The following MAGI1 variants were observed in gnomAD, a reference collection of about 807,000 sequenced individuals.
The protein encoded by MAGI1 is membrane-associated guanylate kinase, WW and PDZ domain-containing protein 1.
In MAGI1, 58 loss-of-function variants were observed where a neutral mutation model predicts 139.9. The observed-to-expected ratio is 0.41, with a 90% CI of 0.34 to 0.52. The LOEUF (loss-of-function observed/expected upper bound fraction) is 0.52, where lower values mean the gene tolerates loss of function less well. Among genes scored for constraint, MAGI1 ranks in the 20% least tolerant of loss-of-function variants. The pLI is 0.12. For missense variants in MAGI1, 1,874 were observed against 1,901.6 expected, an observed-to-expected ratio of 0.99 and a Z score of 0.27; for synonymous variants, 812 against 737.9, an observed-to-expected ratio of 1.10 and a Z score of -1.63.
chr3:65,613,843 GA>G (rs1165125182), intron 2 of MAGI1, among the ~76,000 whole-genome samples: 2 of 150,678 alleles, frequency 1.3e-5, no homozygotes, highest in African/African-American at 4.9e-5. Context: ...CTTGTTTAAA[GA>G]AAAAAAAGAA....
chr3:65,411,992 G>A lies in MAGI1; in HGVS notation c.2168-10522C>T, dbSNP rs531395683. ...TTATGGTTTATCCTCTTTATTATCC[G>A]CACCGAGGCCAGAGACAACTTTAAA... On this transcript the variant is annotated intron_variant, in intron 12 of 22. Coordinates refer to ENST00000402939, the MANE Select transcript of MAGI1 (RefSeq NM_001033057.2). Among the ~76,000 whole-genome samples the A allele has an allele frequency of 5.3e-5, 8 of 152,116 alleles. No individual in the cohort carries two copies. In the East Asian group the frequency reaches 9.7e-4, roughly 18 times the overall value.
chr3:65,712,247 T>C (rs1484704972), intron 1 of MAGI1, among the ~76,000 whole-genome samples: 1 of 152,010 alleles, frequency 6.6e-6, no homozygotes, highest in Non-Finnish European at 1.5e-5. Flanking sequence ...AGTTCCTCTC[T>C]CTTAGATACT....
At chr3:65,386,176 G>C (rs969830181) in intron 14 of MAGI1, among the ~76,000 whole-genome samples, 1 of 151,614 alleles carries the variant, frequency 6.6e-6, no homozygotes, top group Non-Finnish European at 1.5e-5. Flanking sequence ...TGCTCATTTA[G>C]GTGTGAGCTA....
At chr3:65,434,784 A>G (rs1947715495) in intron 10 of MAGI1, among the ~76,000 whole-genome samples, 1 of 152,174 alleles carries the variant, frequency 6.6e-6, no homozygotes, top group Admixed American at 6.6e-5. Flanking sequence ...AAAGATTATA[A>G]AAGTGCTTGA....
chr3:65,722,470 C>T (rs1261589247), intron 1 of MAGI1, among the ~76,000 whole-genome samples: 6 of 132,802 alleles, frequency 4.5e-5, no homozygotes, highest in African/African-American at 1.8e-4. Flanking sequence ...CTTGTCTCTG[C>T]CAAAAAAAAA....
At chr3:65,551,591 C>T (rs1192529230) in intron 2 of MAGI1, among the ~76,000 whole-genome samples, 3 of 152,224 alleles carry the variant, frequency 2.0e-5, no homozygotes, top group East Asian at 1.9e-4. Context: ...TGAGCCACCA[C>T]GCCCGGCCCA....
At chr3:65,476,200 T>C (rs567416524) in intron 4 of MAGI1, among the ~76,000 whole-genome samples, 83 of 152,130 alleles carry the variant, frequency 5.5e-4, no homozygotes, top group Non-Finnish European at 9.6e-4. Context: ...TGACAGATTG[T>C]CAGCTGTCGC....
intron 1 of MAGI1, among the ~76,000 whole-genome samples, chr3:66,031,591 C>T (rs2068594559): frequency 6.6e-6 from 1 of 151,908 alleles, no homozygotes; most frequent in Non-Finnish European, 1.5e-5. Context: ...TTTTGTAAAA[C>T]CTGTACAGTG....
At chr3:65,818,262 T>C (rs1391722528) in intron 1 of MAGI1, among the ~76,000 whole-genome samples, 3 of 152,216 alleles carry the variant, frequency 2.0e-5, no homozygotes, top group Admixed American at 6.5e-5. Context: ...TTAGTTTCTA[T>C]GTCTGTCTCA....
chr3:65,496,644 A>G (rs1454966844), intron 2 of MAGI1, among the ~76,000 whole-genome samples: 1 of 152,122 alleles, frequency 6.6e-6, no homozygotes. Flanking sequence ...GATGCTCTCC[A>G]TGCCACCCAC....
intron 1 of MAGI1, chr3:65,924,858 T>C (rs1250611285): frequency 6.6e-6 from 1 of 152,248 alleles, no homozygotes; most frequent in African/African-American, 2.4e-5. Context: ...CATAGTTAAG[T>C]GCTAAATAAA....
At chr3:66,018,770 T>C (rs1238359979) in intron 1 of MAGI1, among the ~76,000 whole-genome samples, 1 of 152,088 alleles carries the variant, frequency 6.6e-6, no homozygotes, top group East Asian at 1.9e-4. Context: ...ACAGCATGGG[T>C]TGGTCTCATT....
chr3:65,989,679 A>G (rs934873338), intron 1 of MAGI1, among the ~76,000 whole-genome samples: 1 of 152,132 alleles, frequency 6.6e-6, no homozygotes, highest in African/African-American at 2.4e-5. Flanking sequence ...CTGGGATTAC[A>G]GGCACCAGCC....
intron 21 of MAGI1, 53 bp from the exon 22 acceptor site, chr3:65,361,390 C>T (rs910146959): frequency 3.8e-6 from 6 of 1,589,878 alleles, no homozygotes; most frequent in Admixed American, 1.7e-5. Flanking sequence ...TACGGATTCA[C>T]CAAATGTTTA....
intron 13 of MAGI1, among the ~76,000 whole-genome samples, chr3:65,397,546 G>A (rs1158076265): frequency 1.4e-5 from 2 of 147,476 alleles, no homozygotes; most frequent in African/African-American, 5.0e-5. Context: ...TTTTTTTTTA[G>A]TGAACAGGAA....
At chr3:65,480,521 C>G (rs1000031343) in intron 3 of MAGI1, among the ~76,000 whole-genome samples, 4 of 144,974 alleles carry the variant, frequency 2.8e-5, no homozygotes, top group African/African-American at 1.1e-4. Context: ...GGTGAAAGAA[C>G]TAGATCCTAT....
At position 65,358,923 on chromosome 3, in the gene MAGI1, A is replaced by C. The variant is rs993205316; in HGVS notation, c.3635-1791T>G. The C allele has an allele frequency of 4.0e-6, 3 of 756,044 alleles. No homozygotes were observed. The East Asian group carries it at 7.4e-5, about 19-fold the overall frequency. The allele number at this position is 756,044 out of a possible 1,614,324, so 46.8% of individuals were successfully genotyped here. A position where few individuals can be genotyped will look rare whatever the true frequency, so the allele number is the denominator to read the frequency against. ...AGACAAGGGAAGGCAACACTTCAAC[A>C]GGGTCAGCGTTGTACTTACAATTCA... On this transcript the variant is annotated intron_variant, in intron 22 of 22. Transcript: ENST00000402939.
In MAGI1 at chr3:65,478,693, G is replaced by A. The variant is rs750221140; in HGVS notation, c.656C>T (p.Pro219Leu). The change falls in exon 4 of 23, where the codon CCG becomes CTG. Residue 219 changes from proline to leucine, a missense_variant. Coordinates refer to ENST00000402939, the MANE Select transcript of MAGI1 (RefSeq NM_001033057.2). ...SLQSGSKQST[P>L]KRTKSYNDMQ... Reference sequence around the variant, plus strand: ...ATCATTGTAGGACTTGGTTCGCTTCGGGGTCGACTGCTTAGAGCCAGACTG... The same window carrying A: ...ATCATTGTAGGACTTGGTTCGCTTCAGGGTCGACTGCTTAGAGCCAGACTG... 1.1e-5 allele frequency: 17 copies of A among 1,613,858 alleles called. No individual in the cohort carries two copies. Among genetic ancestry groups the A allele is most frequent in the Admixed American group, 8.3e-5 (5 of 59,980 alleles).
At chr3:65,769,756 G>T (rs181204439) in intron 1 of MAGI1, among the ~76,000 whole-genome samples, 10 of 152,328 alleles carry the variant, frequency 6.6e-5, no homozygotes, top group Admixed American at 4.6e-4. Flanking sequence ...GTTTAAAAAT[G>T]TGCCTACTAT....
Sources: allele counts gnomAD v4.1 joint callset (sites outside exome capture counted in the v4.1 genomes callset), GRCh38; gene constraint gnomAD v4.1.1; transcripts MANE v1.5; gene names NCBI Gene and HGNC (gene_info 2026-07-23, HGNC 2026-07-21).